CACNA2D2: variants seen among roughly 807,000 people sequenced by gnomAD.
The protein encoded by CACNA2D2 is calcium voltage-gated channel auxiliary subunit alpha2delta 2, also known as voltage-dependent calcium channel subunit alpha-2/delta-2.
A neutral mutation model predicts 166.4 loss-of-function variants in CACNA2D2; 48 were observed. The observed-to-expected ratio is 0.29, with a 90% confidence interval of 0.23 to 0.37. CACNA2D2 has a LOEUF of 0.37. CACNA2D2 is among the 10% of genes least tolerant of loss of function. The pLI is 1.00. For synonymous variants in CACNA2D2, 561 were observed against 573.7 expected (o/e 0.98, Z 0.32); for missense variants, 1,122 against 1,433.0 (o/e 0.78, Z 3.50).
At chr3:50,465,628 C>T (rs995769697) in intron 2 of CACNA2D2, among the ~76,000 whole-genome samples, 1 of 152,160 alleles carries the variant, frequency 6.6e-6, no homozygotes, top group Non-Finnish European at 1.5e-5. Context: ...GATGGGGAGG[C>T]GCACAGGGCT....
At chr3:50,465,974 G>A (rs749232872) in intron 2 of CACNA2D2, among the ~76,000 whole-genome samples, 24 of 152,126 alleles carry the variant, frequency 1.6e-4, no homozygotes, top group Admixed American at 1.5e-3. Flanking sequence ...CAGGAGGCCC[G>A]GGACCTGGAA....
rs144227460 is a variant in CACNA2D2 at position 50,422,699 on chromosome 3, G to C, written c.405+11614C>G. Among the ~76,000 whole-genome samples the C allele has an allele frequency of 1.5e-3, 230 of 152,336 alleles. 1 individual carries two copies. Among genetic ancestry groups the C allele is most frequent in the Middle Eastern group, 3.4e-3 (1 of 294 alleles). On this transcript the variant is annotated intron_variant, in intron 3 of 37. Transcript: ENST00000424201. ...CTGCCCATCTACAGATGGGGAAACT[G>C]GGGAGAAAAAGGAAATCACTGGCAA...
intron 3 of CACNA2D2, among the ~76,000 whole-genome samples, chr3:50,422,272 T>G (rs1293073910): frequency 6.6e-6 from 1 of 152,146 alleles, no homozygotes; most frequent in Non-Finnish European, 1.5e-5. Flanking sequence ...GTTCAGAACT[T>G]GGAACCTGGC....
rs749648197 is a variant in CACNA2D2 at position 50,375,926 on chromosome 3, GCT to G, written c.1773+35_1773+36del. ...AGGGGCAGGGCCCCTACACTCCTCT[GCT>G]CTGTCCCCCACCCCTGTTCTCCTCC... On this transcript the variant is annotated intron_variant, in intron 19 of 37. Transcript: ENST00000424201. The surrounding 1 kb of genome is among the most constrained non-coding windows in gnomAD (Gnocchi z 4.0). The G allele has an allele frequency of 5.6e-6, 9 of 1,612,824 alleles. No individual in the cohort carries two copies. In the South Asian group the frequency reaches 9.9e-5, roughly 18 times the overall value.
At chr3:50,493,189 A>C (rs1029470336) in intron 1 of CACNA2D2, among the ~76,000 whole-genome samples, 2 of 151,978 alleles carry the variant, frequency 1.3e-5, no homozygotes, top group Non-Finnish European at 2.9e-5. Flanking sequence ...CCCATCCTCC[A>C]TCACTCCCTG....
rs764694236 is a variant in CACNA2D2 at position 50,366,094 on chromosome 3, G to A, written c.2779C>T (p.Arg927Cys). The A allele has an allele frequency of 2.5e-6, 4 of 1,613,850 alleles. No homozygotes were observed. Among genetic ancestry groups the A allele is most frequent in the African/African-American group, 1.3e-5 (1 of 75,010 alleles). Residue 927 changes from arginine (R) to cysteine (C), a missense_variant, in exon 32 of 38, where the codon CGC becomes TGC. Physicochemically the swap from Arg to Cys is radical, Grantham distance 180. Around this residue, in one of 2 missense-constraint regions of CACNA2D2, gnomAD observed 840 missense variants for 1,166.8 expected, o/e 0.72. Coordinates refer to ENST00000424201, the MANE Select transcript of CACNA2D2 (RefSeq NM_006030.4). The surrounding 1 kb of genome is among the most constrained non-coding windows in gnomAD (Gnocchi z 5.9). Reference protein sequence around the residue: ...LALYNNSFYTRKESYDYQAAC... With the variant: ...LALYNNSFYTCKESYDYQAAC... ...GCCTGATAGTCATAGGACTCCTTGC[G>A]GGTGTAGAAGGAGTTATTGTAGAGT...
Position 50,364,894 on chromosome 3 carries a change from G to A in CACNA2D2, c.3285C>T (p.Asn1095=). Reference sequence around the variant, plus strand: ...CACCGCCCCCTCTCCTCACTGTCGCGTTGTAGTCGAAGCAGATGTGCGGGC... The same window carrying A: ...CACCGCCCCCTCTCCTCACTGTCGCATTGTAGTCGAAGCAGATGTGCGGGC... ...RRGPHICFDY[N]ATEDTSDCGR... The change falls in exon 37 of 38, where the codon AAC becomes AAT. Residue 1095 remains asparagine (N), a synonymous_variant. Transcript: ENST00000424201. 6.2e-7 allele frequency: 1 copy of A among 1,613,402 alleles called. No homozygotes were observed. The highest frequency in any genetic ancestry group is 8.5e-7 in the Non-Finnish European group (1 of 1,179,904).
rs1417666737 is a variant in CACNA2D2 at position 50,367,802 on chromosome 3, T to C, written c.2234+10A>G. 1.2e-6 allele frequency: 2 copies of C among 1,612,586 alleles called. No individual in the cohort carries two copies. Among genetic ancestry groups the C allele is most frequent in the Non-Finnish European group, 8.5e-7 (1 of 1,179,342 alleles). On this transcript the variant is annotated intron_variant, in intron 25 of 37. Coordinates refer to ENST00000424201, the MANE Select transcript of CACNA2D2 (RefSeq NM_006030.4). The surrounding 1 kb of genome is among the most constrained non-coding windows in gnomAD (Gnocchi z 6.5). ...TAGCCTTCTGCCCCCACAGGCTGGG[T>C]GATGCCTACGTGTTGAGATCCTGGT...
At chr3:50,396,702 G>C (rs1174326214) in intron 3 of CACNA2D2, among the ~76,000 whole-genome samples, 1 of 129,046 alleles carries the variant, frequency 7.7e-6, no homozygotes, top group African/African-American at 4.7e-5. Context: ...TGGCCCGGAG[G>C]CTGTGTAAAG....
chr3:50,379,941 C>T lies in CACNA2D2; in HGVS notation c.893+27G>A, dbSNP rs756388093. The T allele has an allele frequency of 3.1e-6, 5 of 1,613,852 alleles. No individual in the cohort carries two copies. The highest frequency in any genetic ancestry group is 1.3e-5 in the African/African-American group (1 of 74,910). ...AGCCCATTGCCCGTCCCTGCCCCAG[C>T]CCCACTTGCCAGCACTGCTCACTCA... On this transcript the variant is annotated intron_variant, in intron 9 of 37. Coordinates refer to ENST00000424201, the MANE Select transcript of CACNA2D2 (RefSeq NM_006030.4). This position sits in a 1 kb window ranked among gnomAD's most constrained non-coding sequence, Gnocchi z 6.5.
chr3:50,378,544 CA>C (rs1423365451), intron 13 of CACNA2D2, among the ~76,000 whole-genome samples: 4 of 152,194 alleles, frequency 2.6e-5, no homozygotes, highest in African/African-American at 9.7e-5. Context: ...GGAAGCAGAG[CA>C]GGGGGCAGAG....
Position 50,364,698 on chromosome 3 carries a change from G to T in CACNA2D2, c.3400C>A (p.Gln1134Lys). 1.3e-6 allele frequency: 2 copies of T among 1,543,656 alleles called. No homozygotes were observed. Among genetic ancestry groups the T allele is most frequent in the Non-Finnish European group, 1.7e-6 (2 of 1,143,642 alleles). ...LLGLPPRPQP[Q>K]VLVHASRRL ...CGGCGAGAGGCGTGGACGAGGACTT[G>T]AGGCTGCGGCCGGGGCGGCAGGCCC... The change falls in exon 38 of 38, where the codon CAA becomes AAA. Residue 1134 changes from glutamine (Q) to lysine (K), a missense_variant. By Grantham distance (53) the Gln-to-Lys change is moderately conservative. Around this residue, in one of 2 missense-constraint regions of CACNA2D2, gnomAD observed 282 missense variants for 266.2 expected, o/e 1.06. Coordinates refer to ENST00000424201, the MANE Select transcript of CACNA2D2 (RefSeq NM_006030.4).
At chr3:50,430,725 G>T (rs1381771029) in intron 3 of CACNA2D2, among the ~76,000 whole-genome samples, 3 of 152,166 alleles carry the variant, frequency 2.0e-5, no homozygotes, top group Non-Finnish European at 2.9e-5. Context: ...GTCCTGATTT[G>T]GGTCCAAGTC....
Position 50,377,726 on chromosome 3 carries a change from C to A in CACNA2D2, c.1551+6G>T. 6.2e-7 allele frequency: 1 copy of A among 1,610,752 alleles called. No homozygotes were observed. The highest frequency in any genetic ancestry group is 1.1e-5 in the South Asian group (1 of 90,606). On this transcript the variant is annotated splice_donor_region_variant and intron_variant, in intron 16 of 37. Transcript: ENST00000424201. ...ACCCATAGCCCCAACCCTCCCCTTT[C>A]CTCACCTTCTTTTCCCCAGGGCCAT...
At chr3:50,468,379 TAGTGTGTG>T (rs1291564183) in intron 2 of CACNA2D2, among the ~76,000 whole-genome samples, 58 of 68,912 alleles carry the variant, frequency 8.4e-4, no homozygotes, top group African/African-American at 2.8e-3. Flanking sequence ...TTCATCAGAA[TAGTGTGTG>T]TGTGTGTGTG....
intron 2 of CACNA2D2, among the ~76,000 whole-genome samples, chr3:50,470,763 C>A (rs952927383): frequency 6.6e-6 from 1 of 151,448 alleles, no homozygotes; most frequent in Non-Finnish European, 1.5e-5. Context: ...AGGAAAGAGG[C>A]AGAGAGCAGG....
At chr3:50,418,867 T>C (rs1446043475) in intron 3 of CACNA2D2, among the ~76,000 whole-genome samples, 2 of 152,170 alleles carry the variant, frequency 1.3e-5, no homozygotes, top group African/African-American at 4.8e-5. Context: ...CCCTGAGCCT[T>C]TGCGGGTATG....
chr3:50,473,114 G>A (rs566608217), intron 2 of CACNA2D2, among the ~76,000 whole-genome samples: 1 of 152,212 alleles, frequency 6.6e-6, no homozygotes, highest in Admixed American at 6.5e-5. Context: ...CACAAGGAGA[G>A]CTCCAGCTAT....
At chr3:50,465,213 T>C (rs1469031592) in intron 2 of CACNA2D2, among the ~76,000 whole-genome samples, 1 of 152,268 alleles carries the variant, frequency 6.6e-6, no homozygotes, top group African/African-American at 2.4e-5. Flanking sequence ...AAGGGGTAGA[T>C]AGAATACGTA....
Sources: gnomAD v4.1 joint callset for allele counts (sites outside exome capture counted in the v4.1 genomes callset) on GRCh38, gnomAD v4.1.1 for gene constraint, gnomAD v4.1.1 regional missense constraint, Gnocchi (gnomAD v3.1) non-coding constraint, MANE v1.5 for transcripts, NCBI Gene and HGNC (gene_info 2026-07-23, HGNC 2026-07-21) for gene names.